The following AGAP1 variants were observed in gnomAD, a reference collection of about 807,000 sequenced individuals.
The protein encoded by AGAP1 is arf-GAP with GTPase, ANK repeat and PH domain-containing protein 1.
Under a neutral mutation model 105.3 loss-of-function variants are expected in AGAP1, and 29 were observed. The observed-to-expected ratio is 0.28, with a 90% CI of 0.21 to 0.38. The LOEUF is 0.38. Among genes scored for constraint, AGAP1 ranks in the 10% least tolerant of loss-of-function variants. The pLI is 1.00. For synonymous variants in AGAP1, 509 were observed against 485.9 expected, an observed-to-expected ratio of 1.05 and a Z score of -0.63; for missense variants, 998 against 1,165.1, an observed-to-expected ratio of 0.86 and a Z score of 2.09.
At chr2:235,956,245 G>A (rs73130468) in intron 12 of AGAP1, among the ~76,000 whole-genome samples, 1,792 of 152,292 alleles carry the variant, frequency 0.012, 29 homozygotes, top group African/African-American at 0.033. Context: ...ACAGCGCTGC[G>A]CATCGTGCCT....
intron 1 of AGAP1, among the ~76,000 whole-genome samples, chr2:235,707,914 C>G (rs1013449662): frequency 5.9e-5 from 9 of 151,454 alleles, no homozygotes; most frequent in South Asian, 2.1e-4. Flanking sequence ...CAGCCTGTGA[C>G]CTGGTGGGTT....
chr2:235,603,092 G>A (rs1442001191), intron 1 of AGAP1, among the ~76,000 whole-genome samples: 1 of 152,146 alleles, frequency 6.6e-6, no homozygotes, highest in Non-Finnish European at 1.5e-5. Context: ...CACGTGTTGT[G>A]GGAGGGACCC....
intron 10 of AGAP1, among the ~76,000 whole-genome samples, chr2:235,907,215 G>A (rs140072616): frequency 1.2e-3 from 178 of 152,270 alleles, no homozygotes; most frequent in African/African-American, 4.0e-3. Flanking sequence ...TCTCTGCATC[G>A]GGTAACTGCC....
intron 1 of AGAP1, among the ~76,000 whole-genome samples, chr2:235,581,169 T>C (rs1488504521): frequency 1.5e-5 from 2 of 137,364 alleles, no homozygotes; most frequent in African/African-American, 5.5e-5. Context: ...ATGCCGGGCA[T>C]GGTGGTAGGT....
chr2:235,815,766 A>C (rs1375076311), intron 9 of AGAP1, among the ~76,000 whole-genome samples: 1 of 152,208 alleles, frequency 6.6e-6, no homozygotes, highest in Non-Finnish European at 1.5e-5. Context: ...TTTCCATTGA[A>C]ACTTTCCTAA....
In AGAP1 at chr2:236,001,531, G is replaced by A. The variant is rs572494268; in HGVS notation, c.1645+32908G>A. ...GACAGTGGCTTCCCCAGGCATCAGC[G>A]CCACAGGAGGAGAGACACAGACTGT... On this transcript the variant is annotated intron_variant, in intron 13 of 17. Transcript: ENST00000304032. The surrounding 1 kb of genome is among the most constrained non-coding windows in gnomAD (Gnocchi z 4.7). 3.3e-5 allele frequency among the ~76,000 whole-genome samples: 5 copies of A among 152,238 alleles called. No individual in the cohort carries two copies. The highest frequency in any genetic ancestry group is 9.6e-5 in the African/African-American group (4 of 41,528).
At position 235,635,822 on chromosome 2, in the gene AGAP1, G is replaced by A. The variant is rs1436127725; in HGVS notation, c.164-73357G>A. ...ATGTTTTCCTTTCCGTGCTTTAAAA[G>A]TCTCATCTTAGACCGGGCACAGTGA... On this transcript the variant is annotated intron_variant, in intron 1 of 17. Transcript: ENST00000304032. The surrounding 1 kb of genome is among the most constrained non-coding windows in gnomAD (Gnocchi z 5.3). Among the ~76,000 whole-genome samples the A allele has an allele frequency of 6.6e-6, 1 of 152,094 alleles. No homozygotes were observed. Among genetic ancestry groups the A allele is most frequent in the Non-Finnish European group, 1.5e-5 (1 of 68,030 alleles).
At position 236,046,064 on chromosome 2, in the gene AGAP1, G is replaced by A; in HGVS notation, c.1892-2995G>A. 1 of 468,386 alleles carries A rather than the reference G, an allele frequency of 2.1e-6. No homozygotes were observed. Among genetic ancestry groups the A allele is most frequent in the Non-Finnish European group, 4.4e-6 (1 of 224,776 alleles). 29.0% of individuals were successfully genotyped at this position (468,386 alleles called of 1,614,324 possible). On this transcript the variant is annotated intron_variant, in intron 15 of 17. Transcript: ENST00000304032. This position sits in a 1 kb window ranked among gnomAD's most constrained non-coding sequence, Gnocchi z 5.2. ...GGGGTGCACCACGGTCTGAACGAGG[G>A]GCCAGCATGAGTGGCTTCTGTATCT...
At chr2:235,878,228 C>T (rs2049842910) in intron 9 of AGAP1, among the ~76,000 whole-genome samples, 1 of 152,214 alleles carries the variant, frequency 6.6e-6, no homozygotes, top group Admixed American at 6.5e-5. Flanking sequence ...ACCGCGTGCA[C>T]GTGCAGCTGG....
At position 235,751,542 on chromosome 2, in the gene AGAP1, C is replaced by T. The variant is rs964053571; in HGVS notation, c.673+1054C>T. Reference sequence around the variant, plus strand: ...AAAGCAGTGGCTGCAGGACTGTTCCCGGGACTTCCTCCAAATGGGGCAATT... The same window carrying T: ...AAAGCAGTGGCTGCAGGACTGTTCCTGGGACTTCCTCCAAATGGGGCAATT... On this transcript the variant is annotated intron_variant, in intron 6 of 17. Transcript: ENST00000304032. This position sits in a 1 kb window ranked among gnomAD's most constrained non-coding sequence, Gnocchi z 5.3. 1.3e-5 allele frequency among the ~76,000 whole-genome samples: 2 copies of T among 152,134 alleles called. No homozygotes were observed. Among genetic ancestry groups the T allele is most frequent in the African/African-American group, 4.8e-5 (2 of 41,412 alleles).
chr2:235,592,603 C>T lies in AGAP1; in HGVS notation c.163+97754C>T, dbSNP rs527792301. ...CTTTCTTGTGGTTTTGAGCAGATTC[C>T]AAGCTGGCTTCACGGGAGGGGTGTT... On this transcript the variant is annotated intron_variant, in intron 1 of 17. Coordinates refer to ENST00000304032, the MANE Select transcript of AGAP1 (RefSeq NM_001037131.3). Among the ~76,000 whole-genome samples the T allele has an allele frequency of 1.7e-3, 264 of 152,172 alleles. 1 individual carries two copies. Among genetic ancestry groups the T allele is most frequent in the Non-Finnish European group, 2.9e-3 (197 of 68,004 alleles).
rs1305053270 is a variant in AGAP1 at position 235,569,946 on chromosome 2, A to G, written c.163+75097A>G. Among the ~76,000 whole-genome samples the G allele has an allele frequency of 2.6e-5, 4 of 152,220 alleles. No individual in the cohort carries two copies. The highest frequency in any genetic ancestry group is 9.6e-5 in the African/African-American group (4 of 41,462). ...TTGAACACGAAAACCAGAGTTGTAT[A>G]TCTAAGGAAAACATGGTGTGACTGG... On this transcript the variant is annotated intron_variant, in intron 1 of 17. Transcript: ENST00000304032. The surrounding 1 kb of genome is among the most constrained non-coding windows in gnomAD (Gnocchi z 5.9).
chr2:235,560,922 C>T (rs1280095653), intron 1 of AGAP1, among the ~76,000 whole-genome samples: 1 of 152,232 alleles, frequency 6.6e-6, no homozygotes, highest in African/African-American at 2.4e-5. Context: ...AACCTCAGGT[C>T]ACAGCCAGAT....
At chr2:236,024,366 G>A (rs1276971231) in intron 13 of AGAP1, among the ~76,000 whole-genome samples, 7 of 152,100 alleles carry the variant, frequency 4.6e-5, no homozygotes, top group Admixed American at 2.0e-4. Flanking sequence ...ATTTCTCATC[G>A]TAGCTCGGGG....
At chr2:235,645,509 C>T (rs909582288) in intron 1 of AGAP1, among the ~76,000 whole-genome samples, 37 of 152,150 alleles carry the variant, frequency 2.4e-4, no homozygotes, top group Admixed American at 2.4e-3. Flanking sequence ...GAAAGAGATG[C>T]TTCTGCTTAG....
chr2:235,605,084 G>A (rs1353024535), intron 1 of AGAP1, among the ~76,000 whole-genome samples: 3 of 151,892 alleles, frequency 2.0e-5, no homozygotes, highest in African/African-American at 4.8e-5. Context: ...CACCATGTTG[G>A]CCAGGCTGGT....
rs950697234 is a variant in AGAP1 at position 236,038,681 on chromosome 2, C to T, written c.1800+1966C>T. Among the ~76,000 whole-genome samples the T allele has an allele frequency of 6.6e-6, 1 of 152,142 alleles. No homozygotes were observed. The highest frequency in any genetic ancestry group is 2.4e-5 in the African/African-American group (1 of 41,420). The stretch of plus-strand genomic sequence containing the variant: ...AGGCAAAAATACAGGCCCAGTTGAC[C>T]ACCAGCTTTATAGTATTTTACCTGC... On this transcript the variant is annotated intron_variant, in intron 14 of 17. Transcript: ENST00000304032. This position sits in a 1 kb window ranked among gnomAD's most constrained non-coding sequence, Gnocchi z 4.5.
At chr2:235,885,501 G>T (rs975301442) in intron 10 of AGAP1, among the ~76,000 whole-genome samples, 1 of 152,146 alleles carries the variant, frequency 6.6e-6, no homozygotes, top group African/African-American at 2.4e-5. Context: ...TTGAAGAGTC[G>T]CATGTGCTTT....
chr2:235,661,313 C>T (rs573557040), intron 1 of AGAP1, among the ~76,000 whole-genome samples: 6 of 151,960 alleles, frequency 3.9e-5, no homozygotes, highest in African/African-American at 7.3e-5. Context: ...GGGACGTAAT[C>T]GAGTGTTTTC....
Sources: allele counts gnomAD v4.1 joint callset (sites outside exome capture counted in the v4.1 genomes callset), GRCh38; gene constraint gnomAD v4.1.1; non-coding constraint Gnocchi (gnomAD v3.1); transcripts MANE v1.5; gene names NCBI Gene and HGNC (gene_info 2026-07-23, HGNC 2026-07-21).